Variants in ZBTB16 observed in about 807,000 individuals in gnomAD.
ZBTB16 encodes zinc finger and BTB domain-containing protein 16.
In ZBTB16, 8 loss-of-function variants were observed where a neutral mutation model predicts 56.8. The observed-to-expected ratio is 0.14, with a 90% CI of 0.08 to 0.25. The LOEUF (loss-of-function observed/expected upper bound fraction) is 0.25. Ranked by LOEUF, ZBTB16 falls within the 10% of genes least tolerant of loss-of-function variation. The probability of loss-of-function intolerance (pLI) is 1.00; values close to 1 mark genes in which losing one functional copy is unlikely to be tolerated. For missense variants in ZBTB16, 625 were observed against 903.0 expected, an observed-to-expected ratio of 0.69 and a Z score of 3.95; for synonymous variants, 363 against 368.5, an observed-to-expected ratio of 0.98 and a Z score of 0.17.
At chr11:114,130,488 A>G (rs562638699) in intron 2 of ZBTB16, among the ~76,000 whole-genome samples, 3 of 152,348 alleles carry the variant, frequency 2.0e-5, no homozygotes, top group South Asian at 2.1e-4. Flanking sequence ...AAGTGTCAGC[A>G]TCGATGGCTG....
chr11:114,187,969 A>C (rs1178075), intron 4 of ZBTB16: 106,470 of 171,016 alleles, frequency 0.62, 33,986 homozygotes, highest in African/African-American at 0.76. Flanking sequence ...TCTCTTGTCA[A>C]CCCCAGATGG....
intron 4 of ZBTB16, among the ~76,000 whole-genome samples, chr11:114,214,946 T>C (rs1311267347): frequency 6.6e-6 from 1 of 151,666 alleles, no homozygotes; most frequent in African/African-American, 2.4e-5. Context: ...TCTGCTCAAT[T>C]GGGGTGGAGG....
intron 3 of ZBTB16, among the ~76,000 whole-genome samples, chr11:114,159,700 G>T (rs1018488999): frequency 6.6e-6 from 1 of 152,160 alleles, no homozygotes; most frequent in Non-Finnish European, 1.5e-5. Flanking sequence ...GATTCCAGTA[G>T]TGGTTTACAT....
intron 5 of ZBTB16, among the ~76,000 whole-genome samples, chr11:114,245,034 G>A (rs1287463868): frequency 6.6e-6 from 1 of 152,224 alleles, no homozygotes; most frequent in East Asian, 1.9e-4. Context: ...GGAGTTGGAT[G>A]TCAGACCAGA....
At chr11:114,122,632 TTC>T (rs1243289021) in intron 2 of ZBTB16, among the ~76,000 whole-genome samples, 1 of 152,172 alleles carries the variant, frequency 6.6e-6, no homozygotes, top group Non-Finnish European at 1.5e-5. Context: ...TTAGGTGGAA[TTC>T]TCTCTCTCTT....
At chr11:114,075,846 C>G (rs1482944873) in intron 2 of ZBTB16, among the ~76,000 whole-genome samples, 1 of 152,096 alleles carries the variant, frequency 6.6e-6, no homozygotes, top group Non-Finnish European at 1.5e-5. Flanking sequence ...AGTTTTCCCC[C>G]CATCATAGCC....
At position 114,156,405 on chromosome 11, in the gene ZBTB16, G is replaced by A. The variant is rs747010083; in HGVS notation, c.1337G>A (p.Arg446Gln). The change falls in exon 3 of 7, where the codon CGG becomes CAG. Residue 446 changes from arginine (R) to glutamine (Q), a missense_variant. Arg to Gln is a conservative substitution (Grantham distance 43). Coordinates refer to ENST00000335953, the MANE Select transcript of ZBTB16 (RefSeq NM_006006.6). ...LCGKRFLDSL[R>Q]LRMHLLAHSA... ...GGGAAGCGGTTCCTGGATAGTTTGC[G>A]GCTGAGAATGCACTTACTGGCTCAT... 3.7e-6 allele frequency: 6 copies of A among 1,614,216 alleles called. No homozygotes were observed. The highest frequency in any genetic ancestry group is 1.7e-5 in the Admixed American group (1 of 60,018).
chr11:114,192,472 G>A (rs1393018674), intron 4 of ZBTB16, among the ~76,000 whole-genome samples: 1 of 152,314 alleles, frequency 6.6e-6, no homozygotes, highest in Non-Finnish European at 1.5e-5. Flanking sequence ...GACTAAAGTG[G>A]AAGAAGGAAG....
intron 2 of ZBTB16, among the ~76,000 whole-genome samples, chr11:114,149,485 G>T (rs1942231907): frequency 6.6e-6 from 1 of 152,172 alleles, no homozygotes; most frequent in African/African-American, 2.4e-5. Context: ...AGCATGGAAG[G>T]TGTTAACTAG....
At chr11:114,210,042 A>G in intron 4 of ZBTB16, 1 of 845,856 alleles carries the variant, frequency 1.2e-6, no homozygotes, top group South Asian at 5.4e-5. Flanking sequence ...AAGAGGGTCA[A>G]AAAGCCACTT....
At chr11:114,168,261 T>A (rs1387903251) in intron 3 of ZBTB16, among the ~76,000 whole-genome samples, 2 of 152,142 alleles carry the variant, frequency 1.3e-5, no homozygotes, top group African/African-American at 4.8e-5. Flanking sequence ...GCTGCCTGCT[T>A]CCCTCCAGCC....
At chr11:114,124,014 A>G (rs1941419293) in intron 2 of ZBTB16, among the ~76,000 whole-genome samples, 1 of 152,154 alleles carries the variant, frequency 6.6e-6, no homozygotes, top group African/African-American at 2.4e-5. Context: ...ATCAAAACAT[A>G]TGAATAATTT....
chr11:114,195,717 C>A (rs1943591011), intron 4 of ZBTB16, among the ~76,000 whole-genome samples: 1 of 152,116 alleles, frequency 6.6e-6, no homozygotes, highest in African/African-American at 2.4e-5. Context: ...TCAATATAGG[C>A]CTCGCATGGA....
chr11:114,241,250 A>G (rs1944696094), intron 4 of ZBTB16, among the ~76,000 whole-genome samples: 1 of 151,906 alleles, frequency 6.6e-6, no homozygotes, highest in South Asian at 2.1e-4. Flanking sequence ...AAAAAACAAA[A>G]CAGGATCTGT....
At chr11:114,200,853 T>C (rs1008805402) in intron 4 of ZBTB16, among the ~76,000 whole-genome samples, 9 of 152,310 alleles carry the variant, frequency 5.9e-5, no homozygotes, top group African/African-American at 2.2e-4. Flanking sequence ...CATGGCTGCC[T>C]GATGACAGAA....
chr11:114,233,083 A>ACGCGCGCG (rs1565699912), intron 4 of ZBTB16, among the ~76,000 whole-genome samples: 1 of 91,880 alleles, frequency 1.1e-5, no homozygotes, highest in Non-Finnish European at 2.2e-5. Context: ...GCGCGCGCGC[A>ACGCGCGCG]CACACACACA....
At chr11:114,156,231 G>A (rs1049647788) in intron 2 of ZBTB16, 106 bp from the exon 3 acceptor site, 121 of 1,103,986 alleles carry the variant, frequency 1.1e-4, no homozygotes, top group Admixed American at 9.5e-5. Context: ...GTTCCCTTCC[G>A]CCTGTCACCT....
intron 2 of ZBTB16, among the ~76,000 whole-genome samples, chr11:114,104,647 A>T (rs1215344377): frequency 1.3e-5 from 2 of 152,150 alleles, no homozygotes; most frequent in Non-Finnish European, 2.9e-5. Context: ...GAGATAGGAG[A>T]TCCTGTGGCC....
chr11:114,089,641 C>G (rs1565618974), intron 2 of ZBTB16, among the ~76,000 whole-genome samples: 1 of 152,232 alleles, frequency 6.6e-6, no homozygotes, highest in African/African-American at 2.4e-5. Flanking sequence ...GAGACAGAGG[C>G]TGCTGAAGTA....
Sources: gnomAD v4.1 joint callset for allele counts (sites outside exome capture counted in the v4.1 genomes callset) on GRCh38, gnomAD v4.1.1 for gene constraint, MANE v1.5 for transcripts, NCBI Gene and HGNC (gene_info 2026-07-23, HGNC 2026-07-21) for gene names.